Variants in TECPR2 observed in about 807,000 individuals in gnomAD.
The protein encoded by TECPR2 is tectonin beta-propeller repeat containing 2, also known as tectonin beta-propeller repeat-containing protein 2.
TECPR2 carries 65 observed loss-of-function variants against 138.1 expected under a neutral mutation model. The ratio of observed to expected loss-of-function variants is 0.47; its 90% confidence interval spans 0.39 to 0.58. The LOEUF (loss-of-function observed/expected upper bound fraction) is 0.58, where lower values mean the gene tolerates loss of function less well. TECPR2 is among the 20% of genes least tolerant of loss of function. The pLI, the probability that TECPR2 is intolerant of heterozygous loss-of-function variation, is 0.00. For missense variants in TECPR2, 1,553 were observed against 1,824.5 expected, an observed-to-expected ratio of 0.85 and a Z score of 2.71; for synonymous variants, 746 against 749.8, an observed-to-expected ratio of 0.99 and a Z score of 0.08.
At chr14:102,433,227 G>A (rs913482311) in intron 8 of TECPR2, among the ~76,000 whole-genome samples, 2 of 150,760 alleles carry the variant, frequency 1.3e-5, no homozygotes, top group African/African-American at 4.9e-5. Flanking sequence ...GGGTCCATGC[G>A]CAGGTTTGTT....
intron 2 of TECPR2, among the ~76,000 whole-genome samples, chr14:102,391,528 T>C (rs1332204543): frequency 4.6e-5 from 7 of 152,296 alleles, no homozygotes; most frequent in East Asian, 1.9e-4. Context: ...TTTCCCAAGC[T>C]AGATGGGGAT....
At position 102,499,156 on chromosome 14, in the gene TECPR2, G is replaced by C. The variant is rs1042232946; in HGVS notation, c.*899G>C. ...GCAAATGGAACCTGGATGTGTGCAC[G>C]TGTGTCCCAGGTAGGGACGGCACAG... On this transcript the variant is annotated 3_prime_UTR_variant, in exon 20 of 20. Transcript: ENST00000359520. 3 of 703,074 alleles carry C rather than the reference G, an allele frequency of 4.3e-6. No individual in the cohort carries two copies. Among genetic ancestry groups the C allele is most frequent in the Non-Finnish European group, 7.8e-6 (3 of 385,006 alleles). 43.6% of individuals were successfully genotyped at this position (703,074 alleles called of 1,614,324 possible).
In TECPR2 at chr14:102,434,976, G is replaced by T; in HGVS notation, c.2159G>T (p.Ser720Ile). 2 of 1,614,126 alleles carry T rather than the reference G, an allele frequency of 1.2e-6. No individual in the cohort carries two copies. The highest frequency in any genetic ancestry group is 1.7e-6 in the Non-Finnish European group (2 of 1,180,034). Residue 720 changes from serine (S) to isoleucine (I), a missense_variant, in exon 9 of 20, where the codon AGT becomes ATT. Physicochemically the swap from Ser to Ile is moderately radical, Grantham distance 142 (BLOSUM62 -2). Coordinates refer to ENST00000359520, the MANE Select transcript of TECPR2 (RefSeq NM_014844.5). ...CCCATTTCTGAACGTGTCTTGGGGAGTGTGGGAGGACAGCTGACTCCGGTC... is the reference window on the plus strand; with the variant it reads ...CCCATTTCTGAACGTGTCTTGGGGATTGTGGGAGGACAGCTGACTCCGGTC... ...EIPISERVLG[S>I]VGGQLTPVSA...
At chr14:102,400,799 C>T (rs562216570) in intron 2 of TECPR2, among the ~76,000 whole-genome samples, 9 of 152,042 alleles carry the variant, frequency 5.9e-5, no homozygotes, top group East Asian at 5.8e-4. Context: ...TTTGGGAGGC[C>T]GAGGCGGGTG....
intron 2 of TECPR2, among the ~76,000 whole-genome samples, chr14:102,386,354 C>T (rs1888002948): frequency 1.3e-5 from 2 of 152,080 alleles, no homozygotes; most frequent in Non-Finnish European, 2.9e-5. Context: ...CCTGTAATCC[C>T]AGCTACTCAG....
At chr14:102,401,804 C>CG (rs1821114880) in intron 2 of TECPR2, among the ~76,000 whole-genome samples, 2 of 68,946 alleles carry the variant, frequency 2.9e-5, no homozygotes, top group African/African-American at 1.1e-4. Flanking sequence ...GACTCCGTCT[C>CG]AAAAAAAAAA....
chr14:102,456,026 T>C (rs1451620101), intron 16 of TECPR2, among the ~76,000 whole-genome samples: 1 of 152,088 alleles, frequency 6.6e-6, no homozygotes, highest in Admixed American at 6.5e-5. Flanking sequence ...CGTGCTGGGA[T>C]TACAAGTGTG....
chr14:102,399,320 T>C (rs372766187), intron 2 of TECPR2, among the ~76,000 whole-genome samples: 23 of 152,224 alleles, frequency 1.5e-4, no homozygotes, highest in East Asian at 1.2e-3. Context: ...TGGGCTGATA[T>C]ATTCAGAGTG....
chr14:102,412,031 CTACTT>C (rs1888886263), intron 4 of TECPR2, among the ~76,000 whole-genome samples: 1 of 151,294 alleles, frequency 6.6e-6, no homozygotes, highest in African/African-American at 2.4e-5. Flanking sequence ...ACATTAAAAT[CTACTT>C]TACCCATGTT....
At chr14:102,486,709 C>T (rs750475671) in intron 17 of TECPR2, among the ~76,000 whole-genome samples, 1 of 152,192 alleles carries the variant, frequency 6.6e-6, no homozygotes, top group Non-Finnish European at 1.5e-5. Context: ...GTCAGAGTCT[C>T]GAGGAGCCTC....
rs554820246 is a variant in TECPR2, at chr14:102,499,101, C to G, written c.*844C>G. ...GGCTGCCCGCCTCCTGGAGAGCACA[C>G]TTCAGCTGAAACAGTAAAGCCTGAT... On this transcript the variant is annotated 3_prime_UTR_variant, in exon 20 of 20. Coordinates refer to ENST00000359520, the MANE Select transcript of TECPR2 (RefSeq NM_014844.5). 1 of 703,052 alleles carries G rather than the reference C, an allele frequency of 1.4e-6. No individual in the cohort carries two copies. The highest frequency in any genetic ancestry group is 1.5e-5 in the South Asian group (1 of 67,598). The allele number at this position is 703,052 out of a possible 1,614,324, so 43.6% of individuals were successfully genotyped here.
chr14:102,439,229 C>T (rs1489451353), intron 10 of TECPR2, among the ~76,000 whole-genome samples: 1 of 152,064 alleles, frequency 6.6e-6, no homozygotes, highest in Non-Finnish European at 1.5e-5. Context: ...ACACTTTTGC[C>T]TTGAAGCAGC....
intron 2 of TECPR2, among the ~76,000 whole-genome samples, chr14:102,395,167 A>G (rs1888283265): frequency 6.6e-6 from 1 of 152,188 alleles, no homozygotes; most frequent in African/African-American, 2.4e-5. Flanking sequence ...GAGCTCCTTC[A>G]TTACCACCTC....
chr14:102,401,023 A>G (rs967064611), intron 2 of TECPR2, among the ~76,000 whole-genome samples: 1 of 151,414 alleles, frequency 6.6e-6, no homozygotes, highest in African/African-American at 2.4e-5. Flanking sequence ...ACAGAGTGAG[A>G]CTCGTCGCAA....
chr14:102,494,626 G>A (rs1001690832), intron 17 of TECPR2, among the ~76,000 whole-genome samples: 2 of 149,572 alleles, frequency 1.3e-5, no homozygotes, highest in African/African-American at 4.9e-5. Context: ...TCAGGAGTTC[G>A]AGAGCAGCCT....
At chr14:102,409,735 A>T (rs986514162) in intron 4 of TECPR2, among the ~76,000 whole-genome samples, 1 of 152,180 alleles carries the variant, frequency 6.6e-6, no homozygotes, top group Non-Finnish European at 1.5e-5. Context: ...GAGGACCCCA[A>T]AGCATTTTTG....
intron 16 of TECPR2, among the ~76,000 whole-genome samples, chr14:102,457,055 C>G (rs541890924): frequency 6.6e-6 from 1 of 152,118 alleles, no homozygotes; most frequent in South Asian, 2.1e-4. Context: ...TGGTCTGTGT[C>G]CTGCAGGAAA....
chr14:102,474,754 G>C (rs1232844934), intron 17 of TECPR2, among the ~76,000 whole-genome samples: 1 of 152,168 alleles, frequency 6.6e-6, no homozygotes, highest in Non-Finnish European at 1.5e-5. Context: ...CCCATCTTTT[G>C]TGGGTCAGTG....
At chr14:102,450,392 AG>A (rs1322428526) in intron 14 of TECPR2, among the ~76,000 whole-genome samples, 167 bp from the exon 15 acceptor site, 4 of 152,114 alleles carry the variant, frequency 2.6e-5, no homozygotes, top group Non-Finnish European at 5.9e-5. Context: ...CAGTATTCAG[AG>A]GGAGATGAAT....
Sources: allele counts gnomAD v4.1 joint callset (sites outside exome capture counted in the v4.1 genomes callset), GRCh38; gene constraint gnomAD v4.1.1; transcripts MANE v1.5; gene names NCBI Gene and HGNC (gene_info 2026-07-23, HGNC 2026-07-21).